LINGO2: variants seen among roughly 807,000 people sequenced by gnomAD.
The protein encoded by LINGO2 is leucine rich repeat and Ig domain containing 2.
In LINGO2, 14 loss-of-function variants were observed where a neutral mutation model predicts 30.6. That is an observed-to-expected ratio of 0.46 (90% CI 0.30 to 0.72). The LOEUF (loss-of-function observed/expected upper bound fraction) is 0.72. Ranked by LOEUF, LINGO2 falls within the 30% of genes least tolerant of loss-of-function variation. The pLI is 0.07. For synonymous variants in LINGO2, 317 were observed against 288.5 expected (o/e 1.10, Z -1.00); for missense variants, 729 against 751.7 (o/e 0.97, Z 0.35).
chr9:27,948,118 C>G (rs949219584), exon 6 of LINGO2: 1 of 152,144 alleles, frequency 6.6e-6, no homozygotes, highest in African/African-American at 2.4e-5. Context: ...TTTATAGTAA[C>G]AGAAGTTAAC....
chr9:28,801,926 T>C, the LINGO2 span, among the ~76,000 whole-genome samples: 2 of 152,008 alleles, frequency 1.3e-5, no homozygotes, highest in Admixed American at 6.6e-5. Flanking sequence ...AAATATAGTG[T>C]GCCAAAATAA....
intron 4 of LINGO2, among the ~76,000 whole-genome samples, chr9:28,165,692 C>T (rs1288893896): frequency 6.6e-6 from 1 of 152,152 alleles, no homozygotes; most frequent in East Asian, 1.9e-4. Context: ...ATATTTCCCT[C>T]TAGAGAAGCT....
intron 1 of LINGO2, among the ~76,000 whole-genome samples, chr9:28,613,235 T>C (rs939597095): frequency 1.3e-4 from 20 of 152,130 alleles, no homozygotes; most frequent in African/African-American, 4.1e-4. Context: ...ATACAGATAC[T>C]TTTGTGGGGA....
At chr9:28,742,281 T>TAA in the LINGO2 span, among the ~76,000 whole-genome samples, 333 of 147,166 alleles carry the variant, frequency 2.3e-3, 4 homozygotes, top group African/African-American at 7.6e-3. Flanking sequence ...TTTTTTTTTT[T>TAA]AATTTCTGCA....
intron 5 of LINGO2, among the ~76,000 whole-genome samples, chr9:27,978,082 C>T (rs1238633846): frequency 2.0e-5 from 3 of 152,002 alleles, no homozygotes; most frequent in African/African-American, 7.2e-5. Flanking sequence ...GCCTCTCGGA[C>T]CTGCTTATAC....
At chr9:28,646,808 A>G (rs1197712775) in intron 1 of LINGO2, among the ~76,000 whole-genome samples, 2 of 152,128 alleles carry the variant, frequency 1.3e-5, no homozygotes, top group Non-Finnish European at 1.5e-5. Flanking sequence ...GTAGCAGGAT[A>G]ATATAGTTTG....
chr9:28,357,084 G>C (rs980475455), intron 3 of LINGO2, among the ~76,000 whole-genome samples: 16 of 152,040 alleles, frequency 1.1e-4, no homozygotes, highest in African/African-American at 3.9e-4. Context: ...AATATTATTT[G>C]TTGTAATCTA....
intron 3 of LINGO2, among the ~76,000 whole-genome samples, chr9:28,324,272 T>C (rs1825147426): frequency 1.3e-5 from 2 of 152,278 alleles, no homozygotes; most frequent in East Asian, 1.9e-4. Context: ...CCCCAAATTT[T>C]ATAAGCTTCA....
At chr9:28,912,287 T>C in the LINGO2 span, among the ~76,000 whole-genome samples, 207 of 152,248 alleles carry the variant, frequency 1.4e-3, 1 homozygote, top group African/African-American at 4.7e-3. Context: ...GTCAGTTCTA[T>C]GAAAAACCTG....
the LINGO2 span, among the ~76,000 whole-genome samples, chr9:29,092,347 C>T: frequency 4.2e-3 from 638 of 151,964 alleles, 2 homozygotes; most frequent in African/African-American, 0.015. Flanking sequence ...AGACAAAGGC[C>T]ATCGTATCCC....
the LINGO2 span, among the ~76,000 whole-genome samples, chr9:29,033,224 T>C: frequency 6.6e-6 from 1 of 152,106 alleles, no homozygotes; most frequent in South Asian, 2.1e-4. Flanking sequence ...CCAAAGTTCA[T>C]GTGAGGTCTT....
At chr9:29,078,128 C>T in the LINGO2 span, among the ~76,000 whole-genome samples, 5 of 151,862 alleles carry the variant, frequency 3.3e-5, no homozygotes, top group Non-Finnish European at 7.4e-5. Context: ...ACTCCTTTTA[C>T]CAATATTTAA....
chr9:28,363,882 C>A (rs888737302), intron 3 of LINGO2, among the ~76,000 whole-genome samples: 6 of 151,722 alleles, frequency 4.0e-5, no homozygotes, highest in African/African-American at 1.5e-4. Flanking sequence ...CTCGGCATTA[C>A]CTTTGTCTCC....
intron 1 of LINGO2, among the ~76,000 whole-genome samples, chr9:28,517,452 T>C (rs1466542155): frequency 3.3e-5 from 5 of 152,230 alleles, no homozygotes; most frequent in Admixed American, 2.6e-4. Context: ...AGAATTTCTG[T>C]ACCTGTTAAG....
At chr9:28,104,252 C>T (rs1196548365) in intron 4 of LINGO2, among the ~76,000 whole-genome samples, 1 of 82,670 alleles carries the variant, frequency 1.2e-5, no homozygotes, top group South Asian at 4.3e-4. Context: ...TTCCCCAGTA[C>T]AAGTTTTTTG....
chr9:29,064,786 A>G, the LINGO2 span, among the ~76,000 whole-genome samples: 1 of 152,232 alleles, frequency 6.6e-6, no homozygotes, highest in East Asian at 1.9e-4. Flanking sequence ...GTGATACTTG[A>G]TTATTATAAG....
chr9:28,146,520 A>C (rs1286105054), intron 4 of LINGO2, among the ~76,000 whole-genome samples: 1 of 152,036 alleles, frequency 6.6e-6, no homozygotes, highest in African/African-American at 2.4e-5. Context: ...TCGATTTTTT[A>C]GAAAAACATA....
At chr9:28,439,052 T>C (rs922794996) in intron 2 of LINGO2, among the ~76,000 whole-genome samples, 4 of 147,486 alleles carry the variant, frequency 2.7e-5, no homozygotes, top group Non-Finnish European at 4.5e-5. Context: ...AATACAGATA[T>C]CTATACATTA....
the LINGO2 span, among the ~76,000 whole-genome samples, chr9:29,122,085 T>C: frequency 6.6e-6 from 1 of 151,780 alleles, no homozygotes; most frequent in Non-Finnish European, 1.5e-5. Context: ...ATAAAAATAC[T>C]TTTCTCTTAA....
Sources: gnomAD v4.1 joint callset for allele counts (sites outside exome capture counted in the v4.1 genomes callset) on GRCh38, gnomAD v4.1.1 for gene constraint, MANE v1.5 for transcripts, NCBI Gene and HGNC (gene_info 2026-07-23, HGNC 2026-07-21) for gene names.